Variants in ARHGAP44 observed in about 807,000 individuals in gnomAD.
ARHGAP44 encodes rho GTPase-activating protein 44.
ARHGAP44 carries 43 observed loss-of-function variants against 106.8 expected under a neutral mutation model. The observed-to-expected ratio is 0.40, with a 90% CI of 0.32 to 0.52. The LOEUF (loss-of-function observed/expected upper bound fraction) is 0.52, where lower values mean the gene tolerates loss of function less well. ARHGAP44 is among the 20% of genes least tolerant of loss of function. The probability of loss-of-function intolerance (pLI) is 0.48; values close to 1 mark genes in which losing one functional copy is unlikely to be tolerated. For synonymous variants in ARHGAP44, 439 were observed against 410.3 expected (o/e 1.07, Z -0.85); for missense variants, 866 against 1,050.5 (o/e 0.82, Z 2.43).
chr17:12,918,903 C>T (rs1360143241), intron 5 of ARHGAP44, among the ~76,000 whole-genome samples: 1 of 152,106 alleles, frequency 6.6e-6, no homozygotes, highest in East Asian at 1.9e-4. Context: ...AAGCACAGGA[C>T]CTGTGAGATG....
intron 1 of ARHGAP44, among the ~76,000 whole-genome samples, chr17:12,795,669 AAGC>A (rs1455551645): frequency 2.0e-5 from 3 of 152,146 alleles, no homozygotes; most frequent in African/African-American, 7.2e-5. Context: ...TAATAATCAA[AAGC>A]AGTTTATTTC....
At chr17:12,872,817 C>CT (rs2036441767) in intron 1 of ARHGAP44, among the ~76,000 whole-genome samples, 2 of 151,628 alleles carry the variant, frequency 1.3e-5, no homozygotes, top group Admixed American at 6.6e-5. Flanking sequence ...TTTTCCCTTT[C>CT]TTTTTTCAGG....
chr17:12,897,710 CTT>C (rs71980749), intron 3 of ARHGAP44, among the ~76,000 whole-genome samples: 26 of 108,934 alleles, frequency 2.4e-4, no homozygotes, highest in South Asian at 3.3e-4. Flanking sequence ...TGATCTGTGT[CTT>C]TTTTTTTTTT....
At chr17:12,948,120 G>T (rs1034722152) in intron 10 of ARHGAP44, among the ~76,000 whole-genome samples, 13 of 152,304 alleles carry the variant, frequency 8.5e-5, no homozygotes, top group Admixed American at 6.5e-4. Flanking sequence ...TTTAACCCGT[G>T]TGTCACTTAC....
At chr17:12,821,175 A>G (rs2034759286) in intron 1 of ARHGAP44, among the ~76,000 whole-genome samples, 1 of 152,196 alleles carries the variant, frequency 6.6e-6, no homozygotes, top group African/African-American at 2.4e-5. Context: ...TCTGACTGAA[A>G]TCAAAACAGG....
intron 1 of ARHGAP44, among the ~76,000 whole-genome samples, chr17:12,890,781 C>T (rs9894025): frequency 0.2 from 30,422 of 152,020 alleles, 3,837 homozygotes; most frequent in East Asian, 0.44. Flanking sequence ...TCATAAATTC[C>T]ACCTTTAAAT....
intron 1 of ARHGAP44, among the ~76,000 whole-genome samples, chr17:12,858,803 A>G (rs1222993682): frequency 5.3e-5 from 8 of 152,180 alleles, no homozygotes; most frequent in Non-Finnish European, 1.0e-4. Flanking sequence ...ATAAAGAAAA[A>G]GAGGTTTAGT....
intron 3 of ARHGAP44, among the ~76,000 whole-genome samples, chr17:12,896,946 A>G (rs1367437209): frequency 6.6e-6 from 1 of 152,250 alleles, no homozygotes; most frequent in Non-Finnish European, 1.5e-5. Context: ...AGTGACCTAT[A>G]AAGGCCCTTG....
chr17:12,987,229 G>C (rs571127466), intron 20 of ARHGAP44: 1 of 1,307,612 alleles, frequency 7.6e-7, no homozygotes, highest in African/African-American at 1.5e-5. Flanking sequence ...TCCGCTCCTC[G>C]TCTCTGCATG....
intron 1 of ARHGAP44, among the ~76,000 whole-genome samples, chr17:12,864,804 C>G (rs1223055989): frequency 6.6e-6 from 1 of 152,136 alleles, no homozygotes; most frequent in Non-Finnish European, 1.5e-5. Context: ...GAACTAAAAG[C>G]ATTGTTTCCA....
rs757585682 is a variant in ARHGAP44, at chr17:12,978,035, T to TAAA, written c.1764-2023_1764-2022insAAA. 6.8e-3 allele frequency among the ~76,000 whole-genome samples: 375 copies of TAAA among 55,540 alleles called. 60 individuals are homozygous for TAAA. Among genetic ancestry groups the TAAA allele is most frequent in the African/African-American group, 0.024 (261 of 10,714 alleles). The allele number at this position is 55,540 out of a possible 152,430, so 36.4% of individuals were successfully genotyped here. On this transcript the variant is annotated intron_variant, in intron 18 of 20. Transcript: ENST00000379672. ...CTGGGCAACAGAGCAAGACTCCATCTCAAAAAAAAAAAAAAAAAAAAGTGT... is the reference window on the plus strand; with the variant it reads ...CTGGGCAACAGAGCAAGACTCCATCTAAACAAAAAAAAAAAAAAAAAAAAGTGT...
At chr17:12,986,988 T>C in intron 20 of ARHGAP44, 7 of 969,944 alleles carry the variant, frequency 7.2e-6, no homozygotes, top group East Asian at 2.6e-5. Flanking sequence ...CATGGTTTGA[T>C]GTGGCCCGTC....
chr17:12,851,200 C>T (rs978180554), intron 1 of ARHGAP44, among the ~76,000 whole-genome samples: 1 of 152,230 alleles, frequency 6.6e-6, no homozygotes, highest in Non-Finnish European at 1.5e-5. Flanking sequence ...CTGGCACCTC[C>T]GCTGTGGCCT....
At position 12,973,200 on chromosome 17, in the gene ARHGAP44, C is replaced by T. The variant is rs538754620; in HGVS notation, c.1524-102C>T. 1.3e-4 allele frequency: 163 copies of T among 1,241,136 alleles called. No individual in the cohort carries two copies. In the African/African-American group the frequency reaches 2.3e-3, roughly 18 times the overall value. The allele number at this position is 1,241,136 out of a possible 1,614,324, so 76.9% of individuals were successfully genotyped here. On this transcript the variant is annotated intron_variant, in intron 16 of 20. Transcript: ENST00000379672. ...CACAATAAAAATCCCACCCCAAGAC[C>T]CTGGACCATGGAGAGAGACCCCTTA...
chr17:12,977,357 G>T (rs1351458935), intron 18 of ARHGAP44, among the ~76,000 whole-genome samples: 1 of 151,980 alleles, frequency 6.6e-6, no homozygotes, highest in Non-Finnish European at 1.5e-5. Flanking sequence ...CCCTCGAGTG[G>T]CCGGATTCTC....
intron 1 of ARHGAP44, among the ~76,000 whole-genome samples, chr17:12,862,851 A>T (rs2036127396): frequency 6.6e-6 from 1 of 152,084 alleles, no homozygotes; most frequent in South Asian, 2.1e-4. Flanking sequence ...GTTTAAAAAA[A>T]TGAGCTGGGA....
rs2039795548 is a variant in ARHGAP44, at chr17:12,980,154, T to C, written c.1860T>C (p.Ala620=). ...GTACAGTQPG[A]QPGAQPGASP... is the part of the protein sequence containing the mutation. The stretch of plus-strand genomic sequence containing the variant: ...CCTGTGCAGGGACTCAACCAGGGGC[T>C]CAACCTGGAGCTCAGCCGGGCGCCA... The change falls in exon 19 of 21, where the codon GCT becomes GCC. Residue 620 remains alanine, a synonymous_variant. Transcript: ENST00000379672. The C allele has an allele frequency of 6.2e-7, 1 of 1,613,660 alleles. No individual in the cohort carries two copies. Among genetic ancestry groups the C allele is most frequent in the Non-Finnish European group, 8.5e-7 (1 of 1,179,866 alleles).
At chr17:12,907,107 A>G (rs1159246195) in intron 3 of ARHGAP44, among the ~76,000 whole-genome samples, 1 of 152,092 alleles carries the variant, frequency 6.6e-6, no homozygotes, top group Non-Finnish European at 1.5e-5. Flanking sequence ...GAAACGCTCT[A>G]TGTGTTAACA....
chr17:12,845,541 T>C (rs1379279961), intron 1 of ARHGAP44, among the ~76,000 whole-genome samples: 3 of 151,722 alleles, frequency 2.0e-5, no homozygotes, highest in Non-Finnish European at 2.9e-5. Flanking sequence ...CAACTCTTTC[T>C]TTCTTTTAGA....
Sources: allele counts gnomAD v4.1 joint callset (sites outside exome capture counted in the v4.1 genomes callset), GRCh38; gene constraint gnomAD v4.1.1; transcripts MANE v1.5; gene names NCBI Gene and HGNC (gene_info 2026-07-23, HGNC 2026-07-21).